The following DOCK3 variants were observed in gnomAD, a reference collection of about 807,000 sequenced individuals.
DOCK3 encodes the protein dedicator of cytokinesis protein 3.
Under a neutral mutation model 265.6 loss-of-function variants are expected in DOCK3, and 60 were observed. The ratio of observed to expected loss-of-function variants is 0.23; its 90% confidence interval spans 0.18 to 0.28. The LOEUF (loss-of-function observed/expected upper bound fraction) is 0.28. DOCK3 is among the 10% of genes least tolerant of loss of function. The probability of loss-of-function intolerance (pLI) is 1.00; values close to 1 mark genes in which losing one functional copy is unlikely to be tolerated. For missense variants in DOCK3, 1,981 were observed against 2,594.3 expected, an observed-to-expected ratio of 0.76 and a Z score of 5.14; for synonymous variants, 881 against 938.0, an observed-to-expected ratio of 0.94 and a Z score of 1.11.
At chr3:50,764,324 C>G (rs1368456898) in intron 1 of DOCK3, among the ~76,000 whole-genome samples, 4 of 151,530 alleles carry the variant, frequency 2.6e-5, no homozygotes, top group South Asian at 4.2e-4. Context: ...AACAGCAGAT[C>G]AAAAATAGAA....
In DOCK3 at chr3:51,246,711, T is replaced by G. The variant is rs1314350213; in HGVS notation, c.2103-15T>G. 3 of 1,610,646 alleles carry G rather than the reference T, an allele frequency of 1.9e-6. No homozygotes were observed. Among genetic ancestry groups the G allele is most frequent in the Non-Finnish European group, 2.5e-6 (3 of 1,178,194 alleles). ...TGAATTAAAGTGGGGTTTCTGGAACTGTTCTCTTTCCCAGGGAGCTCATCC... is the reference window on the plus strand; with the variant it reads ...TGAATTAAAGTGGGGTTTCTGGAACGGTTCTCTTTCCCAGGGAGCTCATCC... On this transcript the variant is annotated splice_polypyrimidine_tract_variant and intron_variant, in intron 21 of 52. Transcript: ENST00000266037.
In DOCK3 at chr3:51,090,275, G is replaced by T; in HGVS notation, c.637G>T (p.Val213Leu). ...PRHGETCRMP[V>L]PHHFFLSLKS... The stretch of plus-strand genomic sequence containing the variant: ...TCATGGGGAAACATGTCGGATGCCA[G>T]TGCCACATCACTTCTTCCTCAGCCT... The change falls in exon 9 of 53, where the codon GTG becomes TTG. Residue 213 changes from valine (V) to leucine (L), a missense_variant. By Grantham distance (32) the Val-to-Leu change is conservative. This residue lies in a region of DOCK3 where 456 missense variants were observed against 539.0 expected (regional missense o/e 0.85). Transcript: ENST00000266037. 1 of 1,599,554 alleles carries T rather than the reference G, an allele frequency of 6.3e-7. No homozygotes were observed. The highest frequency in any genetic ancestry group is 1.1e-5 in the South Asian group (1 of 88,374).
At chr3:50,676,998 G>A (rs1191790139) in intron 1 of DOCK3, among the ~76,000 whole-genome samples, 1 of 152,200 alleles carries the variant, frequency 6.6e-6, no homozygotes, top group Non-Finnish European at 1.5e-5. Flanking sequence ...ATAGGTACAT[G>A]TGAATCTCAA....
chr3:51,349,847 T>C (rs2110190914), intron 39 of DOCK3, among the ~76,000 whole-genome samples: 1 of 152,316 alleles, frequency 6.6e-6, no homozygotes, highest in South Asian at 2.1e-4. Context: ...GTTGGACTGA[T>C]GCAAAATGGT....
At chr3:51,019,277 G>A (rs1380594131) in intron 5 of DOCK3, among the ~76,000 whole-genome samples, 2 of 151,784 alleles carry the variant, frequency 1.3e-5, no homozygotes, top group African/African-American at 4.9e-5. Flanking sequence ...ATATACATCT[G>A]GAGTTGAATT....
intron 3 of DOCK3, among the ~76,000 whole-genome samples, chr3:50,858,737 A>G (rs2046749437): frequency 6.6e-6 from 1 of 152,168 alleles, no homozygotes. Flanking sequence ...GATATCCTGA[A>G]ATATATTTTC....
chr3:51,262,684 G>C (rs1330754736), intron 23 of DOCK3, among the ~76,000 whole-genome samples: 1 of 152,132 alleles, frequency 6.6e-6, no homozygotes, highest in Non-Finnish European at 1.5e-5. Flanking sequence ...AAAGGTTAGA[G>C]GAATTGCTAA....
intron 22 of DOCK3, among the ~76,000 whole-genome samples, chr3:51,254,873 G>A (rs1441007880): frequency 2.0e-5 from 3 of 152,128 alleles, no homozygotes; most frequent in South Asian, 4.1e-4. Context: ...TTACATTTAA[G>A]GTTAATATAG....
intron 1 of DOCK3, among the ~76,000 whole-genome samples, chr3:50,709,883 T>G (rs916532653): frequency 4.6e-5 from 7 of 152,104 alleles, no homozygotes; most frequent in Admixed American, 3.9e-4. Flanking sequence ...TCTATTTTAG[T>G]TTGTTCAGTG....
chr3:50,904,556 A>G (rs575464709), intron 4 of DOCK3, among the ~76,000 whole-genome samples: 26 of 152,296 alleles, frequency 1.7e-4, no homozygotes, highest in Non-Finnish European at 2.6e-4. Flanking sequence ...CTGCATAAAT[A>G]TCTTCTTTTG....
intron 25 of DOCK3, 47 bp from the exon 26 acceptor site, chr3:51,277,561 C>G: frequency 6.7e-7 from 1 of 1,493,172 alleles, no homozygotes; most frequent in South Asian, 1.4e-5. Flanking sequence ...AGCTGTACTT[C>G]AGCCTGGCTT....
At chr3:51,292,295 A>G (rs1446463300) in intron 27 of DOCK3, among the ~76,000 whole-genome samples, 1 of 152,200 alleles carries the variant, frequency 6.6e-6, no homozygotes, top group Non-Finnish European at 1.5e-5. Flanking sequence ...AAGGCATCCA[A>G]ATAGGAAATG....
chr3:50,908,157 C>A (rs1468659102), intron 4 of DOCK3, among the ~76,000 whole-genome samples: 1 of 148,882 alleles, frequency 6.7e-6, no homozygotes, highest in Non-Finnish European at 1.5e-5. Flanking sequence ...TTTCAAAAAA[C>A]CATCTTCCAG....
chr3:50,948,830 C>A (rs1197463896), intron 5 of DOCK3, among the ~76,000 whole-genome samples: 1 of 152,060 alleles, frequency 6.6e-6, no homozygotes, highest in Non-Finnish European at 1.5e-5. Context: ...CTAGAAAAAA[C>A]TCAGAAGAAC....
intron 5 of DOCK3, among the ~76,000 whole-genome samples, chr3:50,938,453 A>C (rs1343997107): frequency 6.6e-6 from 1 of 152,140 alleles, no homozygotes; most frequent in Non-Finnish European, 1.5e-5. Context: ...ATACTTAATA[A>C]AATCAGGATA....
chr3:51,314,560 G>A (rs1472799279), intron 31 of DOCK3, among the ~76,000 whole-genome samples: 1 of 152,216 alleles, frequency 6.6e-6, no homozygotes, highest in African/African-American at 2.4e-5. Context: ...CTGGGCTAGA[G>A]CTAGAAACTC....
chr3:50,945,268 T>A (rs769622767), intron 5 of DOCK3, among the ~76,000 whole-genome samples: 1 of 152,182 alleles, frequency 6.6e-6, no homozygotes, highest in Non-Finnish European at 1.5e-5. Context: ...TTTGCTTTCC[T>A]ATTAAAAATT....
chr3:51,092,098 A>G (rs905624197), intron 9 of DOCK3, among the ~76,000 whole-genome samples: 1 of 152,150 alleles, frequency 6.6e-6, no homozygotes, highest in Non-Finnish European at 1.5e-5. Flanking sequence ...CAGGCACCAA[A>G]CTAGCTGCAG....
chr3:51,106,315 C>T (rs2083277847), intron 9 of DOCK3, among the ~76,000 whole-genome samples: 1 of 152,220 alleles, frequency 6.6e-6, no homozygotes, highest in African/African-American at 2.4e-5. Context: ...CCTGCACTGG[C>T]AGGCCACGCT....
Sources: allele counts gnomAD v4.1 joint callset (sites outside exome capture counted in the v4.1 genomes callset), GRCh38; gene constraint gnomAD v4.1.1; regional missense constraint gnomAD v4.1.1; transcripts MANE v1.5; gene names NCBI Gene and HGNC (gene_info 2026-07-23, HGNC 2026-07-21).